DOK6: variants seen among roughly 807,000 people sequenced by gnomAD.
DOK6 encodes docking protein 6, also known as downstream of tyrosine kinase 6.
In DOK6, 22 loss-of-function variants were observed where a neutral mutation model predicts 44.0. The observed-to-expected ratio is 0.50, with a 90% confidence interval of 0.36 to 0.71. The LOEUF (loss-of-function observed/expected upper bound fraction) is 0.71. DOK6 is among the 30% of genes least tolerant of loss of function. The pLI, the probability that DOK6 is intolerant of heterozygous loss-of-function variation, is 0.00. For synonymous variants in DOK6, 166 were observed against 145.5 expected (o/e 1.14, Z -1.01); for missense variants, 340 against 416.4 (o/e 0.82, Z 1.60).
At chr18:69,403,518 G>T (rs1225935030) in intron 1 of DOK6, among the ~76,000 whole-genome samples, 1 of 152,154 alleles carries the variant, frequency 6.6e-6, no homozygotes, top group Non-Finnish European at 1.5e-5. Context: ...AACAATAAAA[G>T]TGTGTTCATA....
Position 69,681,737 on chromosome 18 carries a change from T to A in DOK6, c.409+3884T>A, listed in dbSNP as rs995980929. Among the ~76,000 whole-genome samples the A allele has an allele frequency of 2.0e-5, 3 of 152,238 alleles. No homozygotes were observed. The East Asian group carries it at 5.8e-4, about 29-fold the overall frequency. On this transcript the variant is annotated intron_variant, in intron 4 of 7. Coordinates refer to ENST00000382713, the MANE Select transcript of DOK6 (RefSeq NM_152721.6). Reference sequence around the variant, plus strand: ...AAATATTAATATATGGCATTACAGTTATTTATAAAGGATTCACAACACATA... The same window carrying A: ...AAATATTAATATATGGCATTACAGTAATTTATAAAGGATTCACAACACATA...
chr18:69,528,876 G>A (rs1019780852), intron 1 of DOK6, among the ~76,000 whole-genome samples: 1 of 152,304 alleles, frequency 6.6e-6, no homozygotes. Flanking sequence ...GAAAACAGAA[G>A]TGAATTTTCC....
chr18:69,623,970 C>T (rs755621446), intron 3 of DOK6, among the ~76,000 whole-genome samples: 19 of 152,232 alleles, frequency 1.2e-4, no homozygotes, highest in Non-Finnish European at 2.1e-4. Context: ...ACATGATAGA[C>T]ATAGAGCCTT....
intron 1 of DOK6, among the ~76,000 whole-genome samples, chr18:69,505,491 CTTTTTTTTTTTTT>C (rs772908185): frequency 3.4e-5 from 3 of 88,570 alleles, no homozygotes; most frequent in African/African-American, 1.3e-4. Context: ...TACTCCCATT[CTTTTTTTTTTTTT>C]TTTTTTTTTT....
rs112917462 is a variant in DOK6, at chr18:69,754,255, G to A, written c.739-3501G>A. 9.5e-3 allele frequency among the ~76,000 whole-genome samples: 1,439 copies of A among 151,746 alleles called. 10 individuals carry two copies. Among genetic ancestry groups the A allele is most frequent in the Middle Eastern group, 0.02 (6 of 294 alleles). ...TGTAATCCAGGCTACTCGGGAGGCTGAGGTGGCAGAATTGCTTGAGCTTGG... is the reference window on the plus strand; with the variant it reads ...TGTAATCCAGGCTACTCGGGAGGCTAAGGTGGCAGAATTGCTTGAGCTTGG... On this transcript the variant is annotated intron_variant, in intron 6 of 7. Coordinates refer to ENST00000382713, the MANE Select transcript of DOK6 (RefSeq NM_152721.6).
chr18:69,832,483 G>C (rs1568139462), intron 7 of DOK6: 1 of 151,924 alleles, frequency 6.6e-6, no homozygotes, highest in African/African-American at 2.4e-5. Context: ...TTGGCCTGTA[G>C]TTTTCTCTTT....
chr18:69,547,569 GAGTGGACAGTT>G (rs1452715718), intron 1 of DOK6, among the ~76,000 whole-genome samples: 1 of 151,382 alleles, frequency 6.6e-6, no homozygotes, highest in Non-Finnish European at 1.5e-5. Context: ...ATGAGATTTG[GAGTGGACAGTT>G]ATCCCAACTA....
At chr18:69,756,971 C>T (rs1022505435) in intron 6 of DOK6, among the ~76,000 whole-genome samples, 13 of 152,218 alleles carry the variant, frequency 8.5e-5, no homozygotes, top group Non-Finnish European at 1.0e-4. Flanking sequence ...ACCATTTCTG[C>T]ATGCTTCTTG....
chr18:69,463,066 C>G (rs1474001080), intron 1 of DOK6, among the ~76,000 whole-genome samples: 3 of 152,180 alleles, frequency 2.0e-5, no homozygotes, highest in Admixed American at 2.0e-4. Context: ...TTATGTACAA[C>G]AGAAATGTGT....
intron 7 of DOK6, among the ~76,000 whole-genome samples, chr18:69,825,817 G>A (rs1981725882): frequency 6.6e-6 from 1 of 151,804 alleles, no homozygotes; most frequent in African/African-American, 2.4e-5. Flanking sequence ...TATTCTCATA[G>A]TCAAGTACAT....
At chr18:69,651,618 A>G (rs957722833) in intron 3 of DOK6, among the ~76,000 whole-genome samples, 4 of 151,146 alleles carry the variant, frequency 2.6e-5, no homozygotes, top group African/African-American at 7.3e-5. Context: ...CCTCTGGAAT[A>G]GCTAGGATTA....
intron 1 of DOK6, among the ~76,000 whole-genome samples, chr18:69,422,077 C>A (rs1163556399): frequency 6.6e-6 from 1 of 152,176 alleles, no homozygotes; most frequent in Non-Finnish European, 1.5e-5. Context: ...CGGTTTCCAG[C>A]CCTTCCTCTG....
chr18:69,802,878 G>C (rs1413236955), intron 7 of DOK6, among the ~76,000 whole-genome samples: 1 of 151,994 alleles, frequency 6.6e-6, no homozygotes, highest in African/African-American at 2.4e-5. Context: ...ATTCTTTATA[G>C]CAACAGAAAA....
chr18:69,651,352 C>T (rs550700151), intron 3 of DOK6, among the ~76,000 whole-genome samples: 4 of 152,266 alleles, frequency 2.6e-5, no homozygotes, highest in African/African-American at 9.6e-5. Flanking sequence ...CCAATTTATG[C>T]ACTTTTTTCC....
At chr18:69,456,893 G>A (rs1421762687) in intron 1 of DOK6, among the ~76,000 whole-genome samples, 1 of 152,114 alleles carries the variant, frequency 6.6e-6, no homozygotes, top group Non-Finnish European at 1.5e-5. Context: ...GCATTTCTCT[G>A]ATGATTAATG....
chr18:69,813,296 T>G (rs1981298163), intron 7 of DOK6, among the ~76,000 whole-genome samples: 2 of 152,164 alleles, frequency 1.3e-5, no homozygotes, highest in Non-Finnish European at 2.9e-5. Flanking sequence ...TACATGTAAT[T>G]AATTGAAAGT....
At chr18:69,583,451 C>A (rs1216100405) in intron 2 of DOK6, among the ~76,000 whole-genome samples, 1 of 152,166 alleles carries the variant, frequency 6.6e-6, no homozygotes, top group Non-Finnish European at 1.5e-5. Flanking sequence ...ACTAGACTCA[C>A]TTTAGTTTTA....
At position 69,614,544 on chromosome 18, in the gene DOK6, T is replaced by TTGTG. The variant is rs34596745; in HGVS notation, c.289+15074_289+15077dup. 3.8e-3 allele frequency among the ~76,000 whole-genome samples: 574 copies of TTGTG among 149,118 alleles called. 2 individuals carry two copies. Among genetic ancestry groups the TTGTG allele is most frequent in the South Asian group, 0.023 (109 of 4,680 alleles). ...ACGTAATTATCACTTTATTTTTTCT[T>TTGTG]TGTGTGTGTGTGTGTGTGTGTGTGT... is the stretch of plus-strand genomic sequence containing the variant. On this transcript the variant is annotated intron_variant, in intron 3 of 7. Coordinates refer to ENST00000382713, the MANE Select transcript of DOK6 (RefSeq NM_152721.6).
intron 3 of DOK6, among the ~76,000 whole-genome samples, chr18:69,666,248 G>A (rs1010739768): frequency 6.6e-6 from 1 of 151,950 alleles, no homozygotes; most frequent in Admixed American, 6.6e-5. Context: ...TTTTCCTAGG[G>A]TGGATATTTT....
Sources: allele counts gnomAD v4.1 joint callset (sites outside exome capture counted in the v4.1 genomes callset), GRCh38; gene constraint gnomAD v4.1.1; transcripts MANE v1.5; gene names NCBI Gene and HGNC (gene_info 2026-07-23, HGNC 2026-07-21).